The following RHD variants were observed in gnomAD, a reference collection of about 807,000 sequenced individuals.
The protein encoded by RHD is blood group Rh(D) polypeptide.
In RHD, 16 loss-of-function variants were observed where a neutral mutation model predicts 45.5. That is an observed-to-expected ratio of 0.35 (90% confidence interval 0.24 to 0.53). The LOEUF (loss-of-function observed/expected upper bound fraction) is 0.53. Among genes scored for constraint, RHD ranks in the 20% least tolerant of loss-of-function variants. The probability of loss-of-function intolerance (pLI) is 0.92; values close to 1 mark genes in which losing one functional copy is unlikely to be tolerated. For synonymous variants in RHD, 131 were observed against 217.5 expected, an observed-to-expected ratio of 0.60 and a Z score of 3.50; for missense variants, 306 against 532.0, an observed-to-expected ratio of 0.58 and a Z score of 4.18.
chr1:25,281,621 A>G (rs1641494690), intron 1 of RHD, among the ~76,000 whole-genome samples: 1 of 131,598 alleles, frequency 7.6e-6, no homozygotes, highest in Non-Finnish European at 1.8e-5. Flanking sequence ...TAATCCCAAG[A>G]GGAACCCCTG....
intron 2 of RHD, among the ~76,000 whole-genome samples, chr1:25,286,691 CAGG>C: frequency 1.5e-5 from 2 of 133,888 alleles, no homozygotes; most frequent in South Asian, 4.4e-4. Flanking sequence ...GAGGCTGAGG[CAGG>C]AGAATGGCGT....
chr1:25,329,345 A>G lies in RHD; in HGVS notation c.*421A>G. 2.8e-6 allele frequency: 1 copy of G among 360,252 alleles called. No individual in the cohort carries two copies. Among genetic ancestry groups the G allele is most frequent in the Non-Finnish European group, 5.4e-6 (1 of 183,738 alleles). The allele number at this position is 360,252 out of a possible 1,614,324, so 22.3% of individuals were successfully genotyped here. ...CTGCAACCTCTACCTCCTGGGTTCAAGCAAATCTCCTGCCTCAGCCTCCAA... is the reference window on the plus strand; with the variant it reads ...CTGCAACCTCTACCTCCTGGGTTCAGGCAAATCTCCTGCCTCAGCCTCCAA... On this transcript the variant is annotated 3_prime_UTR_variant, in exon 10 of 10. Coordinates refer to ENST00000328664, the MANE Select transcript of RHD (RefSeq NM_016124.6).
At chr1:25,306,298 G>A (rs1277662257) in intron 6 of RHD, among the ~76,000 whole-genome samples, 1 of 131,848 alleles carries the variant, frequency 7.6e-6, no homozygotes. Flanking sequence ...TGTGAACAGT[G>A]TCTACACTAG....
chr1:25,273,573 C>T (rs1449433565), intron 1 of RHD, among the ~76,000 whole-genome samples: 1 of 89,058 alleles, frequency 1.1e-5, no homozygotes, highest in African/African-American at 3.5e-5. Flanking sequence ...TCTATAAATC[C>T]AGAACCAGAA....
intron 8 of RHD, among the ~76,000 whole-genome samples, chr1:25,319,699 G>C (rs1298091845): frequency 7.6e-6 from 1 of 132,024 alleles, no homozygotes; most frequent in Admixed American, 7.4e-5. Context: ...CAGAAGACAA[G>C]CATTTAATTT....
rs569957352 is a variant in RHD, at chr1:25,282,814, G to C, written c.149-1759G>C. 6.9e-5 allele frequency among the ~76,000 whole-genome samples: 9 copies of C among 129,894 alleles called. 3 individuals are homozygous for C. The South Asian group carries it at 2.1e-3, about 31-fold the overall frequency. The allele number at this position is 129,894 out of a possible 152,430, so 85.2% of individuals were successfully genotyped here. On this transcript the variant is annotated intron_variant, in intron 1 of 9. Coordinates refer to ENST00000328664, the MANE Select transcript of RHD (RefSeq NM_016124.6). ...GGAGGCTGAAGCACAAGAATCACTT[G>C]AACCCGGGAGGTGGAGGTTGCAGCG...
rs1342457554 is a variant in RHD at position 25,284,606 on chromosome 1, G to T, written c.182G>T (p.Gly61Val). 4 of 1,389,254 alleles carry T rather than the reference G, an allele frequency of 2.9e-6. No homozygotes were observed. The highest frequency in any genetic ancestry group is 4.1e-6 in the Non-Finnish European group (4 of 985,628). 86.1% of individuals were successfully genotyped at this position (1,389,254 alleles called of 1,614,324 possible). ...GATCTGACCGTGATGGCGGCCATTG[G>T]CTTGGGCTTCCTCACCTCGAGTTTC... ...GQDLTVMAAI[G>V]LGFLTSSFRR... The change falls in exon 2 of 10, where the codon GGC becomes GTC. Residue 61 changes from glycine to valine, a missense_variant. By Grantham distance (109) the Gly-to-Val change is moderately radical (BLOSUM62 -3). Transcript: ENST00000328664.
rs1351366827 is a variant in RHD, at chr1:25,293,919, T to A, written c.486+3128T>A. Among the ~76,000 whole-genome samples, 3 of 131,920 alleles carry A rather than the reference T, an allele frequency of 2.3e-5. 1 individual carries two copies. The highest frequency in any genetic ancestry group is 3.6e-5 in the Non-Finnish European group (2 of 55,996). The allele number at this position is 131,920 out of a possible 152,430, so 86.5% of individuals were successfully genotyped here. The stretch of plus-strand genomic sequence containing the variant: ...ATGTTTAGTTATATTGTGAGTCTTA[T>A]AAGAAGCTGGGAGGCAACCCCATTA... On this transcript the variant is annotated intron_variant, in intron 3 of 9. Coordinates refer to ENST00000328664, the MANE Select transcript of RHD (RefSeq NM_016124.6).
chr1:25,289,203 TTG>T lies in RHD; in HGVS notation c.336-1427_336-1426del, dbSNP rs377251702. 3.0e-5 allele frequency among the ~76,000 whole-genome samples: 4 copies of T among 131,974 alleles called. 1 individual carries two copies. Among genetic ancestry groups the T allele is most frequent in the African/African-American group, 1.0e-4 (4 of 38,650 alleles). The allele number at this position is 131,974 out of a possible 152,430, so 86.6% of individuals were successfully genotyped here. A position where few individuals can be genotyped will look rare whatever the true frequency, so the allele number is the denominator to read the frequency against. On this transcript the variant is annotated intron_variant, in intron 2 of 9. Transcript: ENST00000328664. ...CGATTTTACAGAGAGTGAATTTTTT[TTG>T]TGTGTGTGTGAGGCAGTCTTACTCT...
intron 6 of RHD, among the ~76,000 whole-genome samples, chr1:25,305,922 T>A (rs969106761): frequency 6.8e-5 from 9 of 131,772 alleles, no homozygotes; most frequent in African/African-American, 2.4e-4. Flanking sequence ...TTCTGAAGAC[T>A]AATAGGGATT....
Position 25,303,307 on chromosome 1 carries a change from G to A in RHD, c.802-15G>A, listed in dbSNP as rs1351364416. On this transcript the variant is annotated splice_polypyrimidine_tract_variant and intron_variant, in intron 5 of 9. Transcript: ENST00000328664. ...TCTACCTTGCTTCCTTTACCCACAC[G>A]CTATTTCTTTGCAGACTTATGTGCA... 3.0e-6 allele frequency: 4 copies of A among 1,351,942 alleles called. 1 individual carries two copies. Among genetic ancestry groups the A allele is most frequent in the Admixed American group, 1.8e-5 (1 of 55,958 alleles). The allele number at this position is 1,351,942 out of a possible 1,614,324, so 83.7% of individuals were successfully genotyped here.
chr1:25,315,163 A>T lies in RHD; in HGVS notation c.1074-1837A>T, dbSNP rs1234688979. Among the ~76,000 whole-genome samples the T allele has an allele frequency of 3.1e-5, 4 of 129,290 alleles. 1 individual carries two copies. The highest frequency in any genetic ancestry group is 4.7e-4 in the South Asian group (2 of 4,236). 84.8% of individuals were successfully genotyped at this position (129,290 alleles called of 152,430 possible). On this transcript the variant is annotated intron_variant, in intron 7 of 9. Transcript: ENST00000328664. Reference sequence around the variant, plus strand: ...CAGCAAGACTCCATCTCAAAAAAAAATTTTTTTTGCAAGGTCATGCATATG... The same window carrying T: ...CAGCAAGACTCCATCTCAAAAAAAATTTTTTTTTGCAAGGTCATGCATATG...
chr1:25,292,987 C>T lies in RHD; in HGVS notation c.486+2196C>T, dbSNP rs1445744303. On this transcript the variant is annotated intron_variant, in intron 3 of 9. Coordinates refer to ENST00000328664, the MANE Select transcript of RHD (RefSeq NM_016124.6). ...TGGAAGGCAAGGAAAGAGAGGGCCC[C>T]AGGTGGGCTGAATGCTGCTGAGAGG... Among the ~76,000 whole-genome samples the T allele has an allele frequency of 4.0e-5, 5 of 125,928 alleles. 1 individual carries two copies. In the East Asian group the frequency reaches 9.8e-4, roughly 25 times the overall value. 82.6% of individuals were successfully genotyped at this position (125,928 alleles called of 152,430 possible).
chr1:25,288,360 T>A, intron 2 of RHD, among the ~76,000 whole-genome samples: 1 of 126,800 alleles, frequency 7.9e-6, no homozygotes, highest in African/African-American at 2.7e-5. Context: ...TTTTGCTTTT[T>A]GTAGAGATGG....
chr1:25,292,037 T>C (rs574947229), intron 3 of RHD, among the ~76,000 whole-genome samples: 2 of 132,884 alleles, frequency 1.5e-5, no homozygotes, highest in East Asian at 3.9e-4. Context: ...AGCTCTGCCA[T>C]AAATCCCTGT....
rs112588553 is a variant in RHD, at chr1:25,296,970, T to C, written c.487-3976T>C. On this transcript the variant is annotated intron_variant, in intron 3 of 9. Transcript: ENST00000328664. Reference sequence around the variant, plus strand: ...GGGGACATTCTCTTACATAACCTTTTTTCAGTTAACAAAAATGAGAAATTG... The same window carrying C: ...GGGGACATTCTCTTACATAACCTTTCTTCAGTTAACAAAAATGAGAAATTG... 4.6e-5 allele frequency among the ~76,000 whole-genome samples: 6 copies of C among 131,744 alleles called. 3 individuals are homozygous for C. The highest frequency in any genetic ancestry group is 1.0e-4 in the African/African-American group (4 of 38,102). The allele number at this position is 131,744 out of a possible 152,430, so 86.4% of individuals were successfully genotyped here.
At position 25,272,734 on chromosome 1, in the gene RHD, G is replaced by T. The variant is rs370565231; in HGVS notation, c.148+39G>T. ...GGAAAAGTGGTCACAGGAGCAAATA[G>T]CAGGGGCAGGGGCGGGGGAGGCCTG... On this transcript the variant is annotated intron_variant, in intron 1 of 9. Transcript: ENST00000328664. 5.1e-6 allele frequency: 7 copies of T among 1,376,500 alleles called. 1 individual carries two copies. The African/African-American group carries it at 8.4e-5, about 17-fold the overall frequency. The allele number at this position is 1,376,500 out of a possible 1,614,324, so 85.3% of individuals were successfully genotyped here.
At position 25,300,932 on chromosome 1, in the gene RHD, G is replaced by A. The variant is rs1643336828; in HGVS notation, c.487-14G>A. On this transcript the variant is annotated splice_polypyrimidine_tract_variant and intron_variant, in intron 3 of 9. Transcript: ENST00000328664. ...GATGCCGACACTCACTGCTCTTACT[G>A]GGTTTTATTGCAGACAGACTACCAC... is the stretch of plus-strand genomic sequence containing the variant. 8.7e-6 allele frequency: 12 copies of A among 1,377,084 alleles called. 2 individuals are homozygous for A. The East Asian group carries it at 2.5e-4, about 28-fold the overall frequency. 85.3% of individuals were successfully genotyped at this position (1,377,084 alleles called of 1,614,324 possible). A position where few individuals can be genotyped will look rare whatever the true frequency, so the allele number is the denominator to read the frequency against.
At position 25,329,789 on chromosome 1, in the gene RHD, A is replaced by G. The variant is rs28654325; in HGVS notation, c.*865A>G. On this transcript the variant is annotated 3_prime_UTR_variant, in exon 10 of 10. Transcript: ENST00000328664. ...CTGCCTCAGCCTCCCGAGTAGCTGG[A>G]ATTACAAGTGCGCACTACCACACCC... 118,894 of 127,966 alleles carry G rather than the reference A, an allele frequency of 0.93. 56,797 individuals are homozygous for G. Among genetic ancestry groups the G allele is most frequent in the East Asian group, 1 (5,057 of 5,058 alleles). 7.9% of individuals were successfully genotyped at this position (127,966 alleles called of 1,614,324 possible).
Sources: allele counts gnomAD v4.1 joint callset (sites outside exome capture counted in the v4.1 genomes callset), GRCh38; gene constraint gnomAD v4.1.1; transcripts MANE v1.5; gene names NCBI Gene and HGNC (gene_info 2026-07-23, HGNC 2026-07-21).